Variants in HELQ observed in about 807,000 individuals in gnomAD.
HELQ encodes helicase POLQ-like.
A neutral mutation model predicts 111.6 loss-of-function variants in HELQ; 77 were observed. The ratio of observed to expected loss-of-function variants is 0.69; its 90% confidence interval spans 0.57 to 0.83. HELQ has a LOEUF of 0.83. Ranked by LOEUF, HELQ falls within the 40% of genes least tolerant of loss-of-function variation. The pLI is 0.00. For synonymous variants in HELQ, 438 were observed against 454.7 expected (o/e 0.96, Z 0.47); for missense variants, 1,200 against 1,288.5 (o/e 0.93, Z 1.05).
intron 1 of HELQ, 115 bp downstream of exon 1, chr4:83,455,282 A>AT (rs1478148286): frequency 1.3e-6 from 2 of 1,529,446 alleles, no homozygotes; most frequent in Admixed American, 2.1e-5. Flanking sequence ...CTAAGTGCCG[A>AT]TTAACAGTGG....
chr4:83,452,624 A>G (rs1721452729), intron 2 of HELQ, among the ~76,000 whole-genome samples: 1 of 152,244 alleles, frequency 6.6e-6, no homozygotes, highest in Admixed American at 6.5e-5. Context: ...AAATACAACT[A>G]AGAAAGCTGA....
At chr4:83,411,297 C>CTT (rs879362999) in intron 17 of HELQ, among the ~76,000 whole-genome samples, 3 of 144,610 alleles carry the variant, frequency 2.1e-5, no homozygotes, top group Admixed American at 1.4e-4. Context: ...TGCCTTTGAA[C>CTT]TTTTTTTTTT....
In HELQ at chr4:83,418,190, C is replaced by T; in HGVS notation, c.2966G>A (p.Trp989Ter). The change falls in exon 16 of 18, where the codon TGG becomes TAG. Residue 989 changes from tryptophan to a stop codon, truncating the protein, a stop_gained. Coordinates refer to ENST00000295488, the MANE Select transcript of HELQ (RefSeq NM_133636.5). LOFTEE classifies it high-confidence loss of function. ...TTCTACCAAAAGGGCTCTGTAAACC[C>T]AAAACTCCTCAAGCTCCTGTAGAAC... ...LHFCEELEEF[W>*]VYRALLVELT... The T allele has an allele frequency of 6.3e-7, 1 of 1,589,900 alleles. No individual in the cohort carries two copies. Among genetic ancestry groups the T allele is most frequent in the Non-Finnish European group, 8.6e-7 (1 of 1,163,582 alleles).
chr4:83,427,081 G>A (rs1719888011), intron 13 of HELQ, among the ~76,000 whole-genome samples: 1 of 152,176 alleles, frequency 6.6e-6, no homozygotes, highest in African/African-American at 2.4e-5. Flanking sequence ...ATCAGAGATG[G>A]TTTTCACTGT....
At chr4:83,439,791 C>T in intron 8 of HELQ, 72 bp downstream of exon 8, 1 of 1,008,106 alleles carries the variant, frequency 9.9e-7, no homozygotes, top group South Asian at 1.5e-5. Context: ...TAGTGTTTGC[C>T]CAATAAAATT....
chr4:83,438,348 G>A (rs1217378442), intron 8 of HELQ, among the ~76,000 whole-genome samples: 1 of 152,158 alleles, frequency 6.6e-6, no homozygotes, highest in African/African-American at 2.4e-5. Flanking sequence ...GAATACGACA[G>A]AGCCAATATT....
intron 11 of HELQ, among the ~76,000 whole-genome samples, chr4:83,430,611 T>C (rs1370972866): frequency 6.6e-6 from 1 of 150,770 alleles, no homozygotes; most frequent in Non-Finnish European, 1.5e-5. Flanking sequence ...TATATTTCTC[T>C]CTCTTACAAT....
At chr4:83,454,644 C>T (rs3775089) in intron 1 of HELQ, among the ~76,000 whole-genome samples, 7 of 149,566 alleles carry the variant, frequency 4.7e-5, no homozygotes, top group Admixed American at 3.3e-4. Context: ...TGGTTTTGAA[C>T]GCGAACTTCT....
At chr4:83,449,378 CAGAG>C (rs1419503467) in intron 2 of HELQ, among the ~76,000 whole-genome samples, 1 of 152,228 alleles carries the variant, frequency 6.6e-6, no homozygotes, top group Admixed American at 6.5e-5. Flanking sequence ...AAAGCCATCT[CAGAG>C]AGAAGCAGGG....
chr4:83,450,006 A>C (rs6827545), intron 2 of HELQ, among the ~76,000 whole-genome samples: 3,627 of 151,950 alleles, frequency 0.024, 135 homozygotes, highest in African/African-American at 0.082. Flanking sequence ...ATAGAACTGC[A>C]CATTGCCTTT....
rs1578113383 is a variant in HELQ at position 83,455,426 on chromosome 4, T to G, written c.268A>C (p.Met90Leu). The G allele has an allele frequency of 5.6e-6, 9 of 1,613,954 alleles. No individual in the cohort carries two copies. In the East Asian group the frequency reaches 2.0e-4, roughly 36 times the overall value. ...GDTNPDLLRHMPTDRGVGDQP... is the reference protein window; with the variant it reads ...GDTNPDLLRHLPTDRGVGDQP... ...TCTCCCACCCCTCTGTCAGTGGGCA[T>G]GTGACGTAGGAGGTCCGGGTTTGTA... The change falls in exon 1 of 18, where the codon ATG becomes CTG. Residue 90 changes from methionine (M) to leucine (L), a missense_variant. By Grantham distance (15) the Met-to-Leu change is conservative (BLOSUM62 2). Transcript: ENST00000295488.
In HELQ at chr4:83,453,343, A is replaced by G. The variant is rs751993102; in HGVS notation, c.900T>C (p.Asn300=). Residue 300 remains asparagine, a synonymous_variant, in exon 2 of 18, where the codon AAT becomes AAC. Transcript: ENST00000295488. ...ATGACTCAACTGTTTTCTTAGCAAC[A>G]TTAATTTCCTCAGATAGGAGAGTGT... ...LKDTLLSEEI[N]VAKKTVESSS... 11 of 1,613,484 alleles carry G rather than the reference A, an allele frequency of 6.8e-6. No homozygotes were observed. In the Admixed American group the frequency reaches 1.7e-4, roughly 24 times the overall value.
chr4:83,418,971 T>C (rs1404081641), intron 15 of HELQ, among the ~76,000 whole-genome samples: 1 of 152,212 alleles, frequency 6.6e-6, no homozygotes, highest in Non-Finnish European at 1.5e-5. Context: ...TGGGTTTTTC[T>C]GTAACTTGTA....
intron 14 of HELQ, among the ~76,000 whole-genome samples, chr4:83,424,541 G>A (rs1021296735): frequency 2.0e-5 from 3 of 152,132 alleles, no homozygotes; most frequent in Admixed American, 1.3e-4. Flanking sequence ...GAGTACAGGT[G>A]TGTGCCACTG....
chr4:83,432,262 A>G lies in HELQ; in HGVS notation c.2054T>C (p.Ile685Thr), dbSNP rs751896103. Residue 685 changes from isoleucine (I) to threonine (T), a missense_variant, in exon 10 of 18, where the codon ATT becomes ACT. Ile to Thr is a moderately conservative substitution (Grantham distance 89). Coordinates refer to ENST00000295488, the MANE Select transcript of HELQ (RefSeq NM_133636.5). ...AGVNLPARRV[I>T]LRAPYVAKEF... Reference sequence around the variant, plus strand: ...CTTAGCAACATAGGGAGCTCTTAAAATAACTCTGTGGAATTAATGAAAAAT... The same window carrying G: ...CTTAGCAACATAGGGAGCTCTTAAAGTAACTCTGTGGAATTAATGAAAAAT... The G allele has an allele frequency of 2.6e-6, 4 of 1,555,728 alleles. No homozygotes were observed. In the East Asian group the frequency reaches 6.9e-5, roughly 27 times the overall value.
intron 17 of HELQ, 36 bp downstream of exon 17, chr4:83,416,695 A>G: frequency 6.2e-7 from 1 of 1,604,536 alleles, no homozygotes; most frequent in Non-Finnish European, 8.5e-7. Flanking sequence ...ACACTACGCA[A>G]GATTATTAAG....
intron 2 of HELQ, among the ~76,000 whole-genome samples, chr4:83,450,092 T>C (rs528182888): frequency 8.6e-5 from 13 of 151,638 alleles, no homozygotes; most frequent in Non-Finnish European, 1.5e-4. Flanking sequence ...GCATTGTTTG[T>C]AGGTAACAAA....
intron 17 of HELQ, among the ~76,000 whole-genome samples, chr4:83,410,981 T>A: frequency 6.9e-6 from 1 of 145,372 alleles, no homozygotes; most frequent in African/African-American, 2.5e-5. Flanking sequence ...AGAAACCCCA[T>A]CTCTAAAAAA....
At chr4:83,441,246 CTTG>C (rs1438995628) in intron 7 of HELQ, 56 bp downstream of exon 7, 1 of 925,726 alleles carries the variant, frequency 1.1e-6, no homozygotes, top group Non-Finnish European at 1.7e-6. Context: ...ATTGGAAACT[CTTG>C]TTGTGCCCCA....
Sources: gnomAD v4.1 joint callset for allele counts (sites outside exome capture counted in the v4.1 genomes callset) on GRCh38, gnomAD v4.1.1 for gene constraint, MANE v1.5 for transcripts, NCBI Gene and HGNC (gene_info 2026-07-23, HGNC 2026-07-21) for gene names.